Variants in C4orf36 observed in about 807,000 individuals in gnomAD.
The protein encoded by C4orf36 is uncharacterized protein C4orf36.
In C4orf36, 11 loss-of-function variants were observed where a neutral mutation model predicts 12.2. That is an observed-to-expected ratio of 0.90 (90% CI 0.57 to 1.49). The LOEUF (loss-of-function observed/expected upper bound fraction) is 1.49. Ranked by LOEUF, C4orf36 falls within the 40% of genes most tolerant of loss-of-function variation. The pLI is 0.00. For missense variants in C4orf36, 137 were observed against 133.9 expected (o/e 1.02, Z -0.11); for synonymous variants, 54 against 51.3 (o/e 1.05, Z -0.22).
the C4orf36 span, chr4:86,924,832 T>C: frequency 6.6e-6 from 1 of 152,214 alleles, no homozygotes; most frequent in South Asian, 2.1e-4. Context: ...AAAAAATACC[T>C]GAGATTGGGT....
the C4orf36 span, among the ~76,000 whole-genome samples, chr4:86,907,168 G>A: frequency 2.0e-5 from 3 of 152,154 alleles, no homozygotes; most frequent in African/African-American, 7.2e-5. Context: ...GAGACCACTG[G>A]TGTGAGATGA....
rs1746927371 is a variant in C4orf36, at chr4:86,876,360, G to T, written c.*86C>A. On this transcript the variant is annotated 3_prime_UTR_variant, in exon 5 of 5. Coordinates refer to ENST00000295898, the MANE Select transcript of C4orf36 (RefSeq NM_144645.4). ...TGGCTGCAGCGCAGCGACGGCCGGG[G>T]CCGGGAGCGGGTCCTGGGCGGCCCA... The T allele has an allele frequency of 6.3e-7, 1 of 1,582,676 alleles. No individual in the cohort carries two copies. Among genetic ancestry groups the T allele is most frequent in the Non-Finnish European group, 8.6e-7 (1 of 1,166,038 alleles).
the C4orf36 span, among the ~76,000 whole-genome samples, chr4:86,905,619 G>A: frequency 6.6e-6 from 1 of 151,966 alleles, no homozygotes; most frequent in Non-Finnish European, 1.5e-5. Flanking sequence ...GAGTTGGGAA[G>A]ACAAGTGGTG....
intron 4 of C4orf36, among the ~76,000 whole-genome samples, chr4:86,884,711 T>C (rs1285093260): frequency 6.6e-6 from 1 of 152,200 alleles, no homozygotes; most frequent in African/African-American, 2.4e-5. Context: ...GGAAACTAGA[T>C]CCCATTTGTC....
At chr4:86,923,529 G>A in the C4orf36 span, among the ~76,000 whole-genome samples, 72 of 152,178 alleles carry the variant, frequency 4.7e-4, no homozygotes, top group Non-Finnish European at 9.9e-4. Flanking sequence ...AGGCCAAGGC[G>A]GGTGGATCAC....
At chr4:86,928,342 C>T in the C4orf36 span, among the ~76,000 whole-genome samples, 1 of 152,162 alleles carries the variant, frequency 6.6e-6, no homozygotes, top group East Asian at 1.9e-4. Context: ...GGAGGTGCTG[C>T]CACTGGGCCA....
At chr4:86,885,910 G>C (rs1046005569) in intron 4 of C4orf36, among the ~76,000 whole-genome samples, 2 of 152,128 alleles carry the variant, frequency 1.3e-5, no homozygotes, top group Non-Finnish European at 2.9e-5. Context: ...TAGCGTGAAG[G>C]GCTGTTGAAT....
rs1248019984 is a variant in C4orf36, at chr4:86,887,579, A to C, written c.*2+179T>G. 5.2e-6 allele frequency: 3 copies of C among 580,962 alleles called. No individual in the cohort carries two copies. The African/African-American group carries it at 5.6e-5, about 11-fold the overall frequency. The allele number at this position is 580,962 out of a possible 1,614,324, so 36.0% of individuals were successfully genotyped here. A position where few individuals can be genotyped will look rare whatever the true frequency, so the allele number is the denominator to read the frequency against. On this transcript the variant is annotated intron_variant, in intron 4 of 4. Coordinates refer to ENST00000295898, the MANE Select transcript of C4orf36 (RefSeq NM_144645.4). ...TGTCGTTTGTGACACAAGGAACAAG[A>C]GTATGTCAGGGACTCAGAAGATCTG...
At chr4:86,913,785 A>G in the C4orf36 span, 47 of 1,283,442 alleles carry the variant, frequency 3.7e-5, no homozygotes, top group Non-Finnish European at 5.0e-5. Flanking sequence ...CCCAAAGGGC[A>G]TCTTGCTGCC....
At chr4:86,918,810 CGTGTGTGTGT>C in the C4orf36 span, among the ~76,000 whole-genome samples, 13 of 150,134 alleles carry the variant, frequency 8.7e-5, no homozygotes, top group South Asian at 1.1e-3. Flanking sequence ...GTTGTGTGTG[CGTGTGTGTGT>C]GTGTGTGTGT....
At chr4:86,899,127 ACCTCC>A in the C4orf36 span, among the ~76,000 whole-genome samples, 1 of 152,010 alleles carries the variant, frequency 6.6e-6, no homozygotes, top group African/African-American at 2.4e-5. Context: ...TGAAGCACTG[ACCTCC>A]TAATGATAAA....
At chr4:86,892,788 A>T (rs1747480785), upstream of C4orf36, among the ~76,000 whole-genome samples, 1 of 152,212 alleles carries the variant, frequency 6.6e-6, no homozygotes, top group African/African-American at 2.4e-5. Context: ...CCCACGTGTG[A>T]TATTTTAGGT....
At chr4:86,895,835 T>C (rs1263034805), upstream of C4orf36, among the ~76,000 whole-genome samples, 1 of 151,776 alleles carries the variant, frequency 6.6e-6, no homozygotes, top group East Asian at 1.9e-4. Flanking sequence ...GCTGGCGTCC[T>C]ACACACATCT....
At chr4:86,912,245 T>G in the C4orf36 span, among the ~76,000 whole-genome samples, 2 of 152,180 alleles carry the variant, frequency 1.3e-5, no homozygotes, top group Admixed American at 1.3e-4. Context: ...GGTCTTAAAC[T>G]CCTGGCCTCA....
At chr4:86,915,764 G>T in the C4orf36 span, among the ~76,000 whole-genome samples, 1 of 152,166 alleles carries the variant, frequency 6.6e-6, no homozygotes, top group African/African-American at 2.4e-5. Context: ...TCCAGCCTGG[G>T]CAACAAGACT....
At chr4:86,927,574 C>G in the C4orf36 span, among the ~76,000 whole-genome samples, 2 of 152,108 alleles carry the variant, frequency 1.3e-5, no homozygotes, top group Non-Finnish European at 2.9e-5. Flanking sequence ...GCGGGTGGAT[C>G]ATGAGGTCAG....
chr4:86,923,421 G>A, the C4orf36 span, among the ~76,000 whole-genome samples: 1 of 151,762 alleles, frequency 6.6e-6, no homozygotes, highest in East Asian at 1.9e-4. Context: ...TCCTTTATCT[G>A]TCTTAATAGT....
chr4:86,923,941 T>C, the C4orf36 span, among the ~76,000 whole-genome samples: 1 of 152,190 alleles, frequency 6.6e-6, no homozygotes, highest in African/African-American at 2.4e-5. Flanking sequence ...TTTCTAGGAA[T>C]TTAGTTCTGA....
chr4:86,888,355 C>G, intron 2 of C4orf36, 80 bp from the exon 3 acceptor site: 1 of 1,393,768 alleles, frequency 7.2e-7, no homozygotes, highest in African/African-American at 1.4e-5. Context: ...CATTAATTCT[C>G]AGTTCCATTT....
Sources: allele counts gnomAD v4.1 joint callset (sites outside exome capture counted in the v4.1 genomes callset), GRCh38; gene constraint gnomAD v4.1.1; transcripts MANE v1.5; gene names NCBI Gene and HGNC (gene_info 2026-07-23, HGNC 2026-07-21).